The following ARHGEF17 variants were observed in gnomAD, a reference collection of about 807,000 sequenced individuals.
The protein encoded by ARHGEF17 is Rho guanine nucleotide exchange factor 17.
ARHGEF17 carries 80 observed loss-of-function variants against 174.0 expected under a neutral mutation model. The observed-to-expected ratio is 0.46, with a 90% CI of 0.38 to 0.55. The LOEUF (loss-of-function observed/expected upper bound fraction) is 0.55, where lower values mean the gene tolerates loss of function less well. ARHGEF17 is among the 20% of genes least tolerant of loss of function. The pLI is 0.00. For synonymous variants in ARHGEF17, 1,311 were observed against 1,189.1 expected (o/e 1.10, Z -2.11); for missense variants, 2,886 against 2,839.7 (o/e 1.02, Z -0.37).
intron 14 of ARHGEF17, among the ~76,000 whole-genome samples, 193 bp from the exon 15 acceptor site, chr11:73,363,013 A>G (rs56363880): frequency 0.35 from 53,111 of 152,028 alleles, 11,747 homozygotes; most frequent in African/African-American, 0.63. Context: ...GGGGCCAGGC[A>G]AGATCAAGGA....
At chr11:73,367,503 G>A in intron 20 of ARHGEF17, 81 bp from the exon 21 acceptor site, 1 of 1,216,890 alleles carries the variant, frequency 8.2e-7, no homozygotes, top group Non-Finnish European at 1.2e-6. Flanking sequence ...CTATCTTCTG[G>A]GGTGTGGGAA....
chr11:73,312,305 C>T (rs928461397), intron 1 of ARHGEF17, among the ~76,000 whole-genome samples: 4 of 152,098 alleles, frequency 2.6e-5, no homozygotes, highest in African/African-American at 9.7e-5. Context: ...GTGTGGCTTT[C>T]CTGTGACAGG....
intron 1 of ARHGEF17, among the ~76,000 whole-genome samples, chr11:73,340,024 A>C (rs1273189302): frequency 1.3e-5 from 2 of 152,196 alleles, no homozygotes; most frequent in East Asian, 3.9e-4. Context: ...GCTCAGAGGA[A>C]CAATAGCAGA....
chr11:73,324,404 A>G (rs1460335109), intron 1 of ARHGEF17, among the ~76,000 whole-genome samples: 3 of 152,146 alleles, frequency 2.0e-5, no homozygotes, highest in Admixed American at 6.5e-5. Flanking sequence ...GGGAGCGCCC[A>G]GGCTCCTCTC....
chr11:73,308,653 AC>A lies in ARHGEF17; in HGVS notation c.19del (p.Arg7GlyfsTer22). The A allele has an allele frequency of 6.7e-7, 1 of 1,503,308 alleles. No individual in the cohort carries two copies. The allele number at this position is 1,503,308 out of a possible 1,614,324, so 93.1% of individuals were successfully genotyped here. A position where few individuals can be genotyped will look rare whatever the true frequency, so the allele number is the denominator to read the frequency against. Reference sequence around the variant, plus strand: ...GTTACGCCACTATGGCGGACGGGGCACCCCGGCCCCAGCTTTACCGCAGCGT... The same window carrying A: ...GTTACGCCACTATGGCGGACGGGGCACCCGGCCCCAGCTTTACCGCAGCGT... MADGA[P>X]RPQLYRSVSF... On this transcript the variant is annotated frameshift_variant, in exon 1 of 21. Transcript: ENST00000263674. LOFTEE classifies it high-confidence loss of function.
intron 1 of ARHGEF17, among the ~76,000 whole-genome samples, chr11:73,321,609 G>A (rs1865019206): frequency 6.6e-6 from 1 of 152,240 alleles, no homozygotes; most frequent in Non-Finnish European, 1.5e-5. Flanking sequence ...GGAGCGCTCA[G>A]CCCTGGGCGC....
intron 2 of ARHGEF17, among the ~76,000 whole-genome samples, chr11:73,348,659 C>T (rs1865503520): frequency 6.6e-6 from 1 of 152,040 alleles, no homozygotes; most frequent in African/African-American, 2.4e-5. Flanking sequence ...AATGGGTGTA[C>T]AGGGTTGCAG....
chr11:73,368,490 GTGATTGCCATCTGGGGACC>G lies in ARHGEF17; in HGVS notation c.*713_*731del, dbSNP rs1865879371. On this transcript the variant is annotated 3_prime_UTR_variant, in exon 21 of 21. Coordinates refer to ENST00000263674, the MANE Select transcript of ARHGEF17 (RefSeq NM_014786.4). ...TCAAGATGCTGACTATTAGGGGGCA[GTGATTGCCATCTGGGGACC>G]TGTCAGGCTTTGTCATTTCCCAGTT... 2.0e-5 allele frequency: 3 copies of G among 152,262 alleles called. No individual in the cohort carries two copies. The South Asian group carries it at 6.2e-4, about 31-fold the overall frequency. The allele number at this position is 152,262 out of a possible 1,614,324, so 9.4% of individuals were successfully genotyped here.
At chr11:73,332,943 C>T (rs1023068062) in intron 1 of ARHGEF17, among the ~76,000 whole-genome samples, 1 of 152,142 alleles carries the variant, frequency 6.6e-6, no homozygotes, top group Admixed American at 6.5e-5. Context: ...CTCTTCCTGT[C>T]CTCAGGCCCA....
chr11:73,365,502 C>T lies in ARHGEF17; in HGVS notation c.5663C>T (p.Pro1888Leu). 1 of 1,614,148 alleles carries T rather than the reference C, an allele frequency of 6.2e-7. No individual in the cohort carries two copies. Among genetic ancestry groups the T allele is most frequent in the Non-Finnish European group, 8.5e-7 (1 of 1,180,040 alleles). Residue 1888 changes from proline (P) to leucine (L), a missense_variant, in exon 19 of 21, where the codon CCA becomes CTA. By Grantham distance (98) the Pro-to-Leu change is moderately conservative (BLOSUM62 -3). Around this residue, in one of 4 missense-constraint regions of ARHGEF17, gnomAD observed 329 missense variants for 435.2 expected, o/e 0.76. Transcript: ENST00000263674. The surrounding 1 kb of genome is among the most constrained non-coding windows in gnomAD (Gnocchi z 4.9). ...AGTGCCCACGTGTGTCTCTACCATC[C>T]AGACACCTTTGAGCAGCTGGCAGAA... ...KGSAHVCLYHPDTFEQLAEVD... is the reference protein window; with the variant it reads ...KGSAHVCLYHLDTFEQLAEVD...
At chr11:73,313,229 G>A (rs1391762161) in intron 1 of ARHGEF17, among the ~76,000 whole-genome samples, 4 of 152,134 alleles carry the variant, frequency 2.6e-5, no homozygotes, top group Non-Finnish European at 4.4e-5. Context: ...AGTGGGGAGC[G>A]GGGCGTTTTG....
intron 1 of ARHGEF17, among the ~76,000 whole-genome samples, chr11:73,342,745 G>C (rs1183547338): frequency 2.0e-5 from 3 of 152,012 alleles, no homozygotes; most frequent in Admixed American, 6.5e-5. Flanking sequence ...CTTTGTCCAC[G>C]GGTGTGCGCC....
intron 1 of ARHGEF17, among the ~76,000 whole-genome samples, chr11:73,331,755 G>GCA (rs1865207206): frequency 6.6e-6 from 1 of 152,172 alleles, no homozygotes; most frequent in Admixed American, 6.5e-5. Flanking sequence ...GATAGAGGTG[G>GCA]TCACCTGGGC....
rs751863090 is a variant in ARHGEF17, at chr11:73,362,681, C to T, written c.4943C>T (p.Ser1648Leu). 1.9e-6 allele frequency: 3 copies of T among 1,610,298 alleles called. No homozygotes were observed. Among genetic ancestry groups the T allele is most frequent in the East Asian group, 2.2e-5 (1 of 44,876 alleles). The change falls in exon 14 of 21, where the codon TCG (serine) becomes TTG (leucine). Residue 1648 changes from serine to leucine, a missense_variant. Ser to Leu is a moderately radical substitution (Grantham distance 145). Around this residue, in one of 4 missense-constraint regions of ARHGEF17, gnomAD observed 476 missense variants for 473.1 expected, o/e 1.01. Transcript: ENST00000263674. ...GACGATGAGTCTTCGCCCAGCCCCT[C>T]GGGGACGCTGCAGAGCCAGGCCAGC... is the stretch of plus-strand genomic sequence containing the variant. ...DSDDESSPSP[S>L]GTLQSQASRS...
intron 2 of ARHGEF17, among the ~76,000 whole-genome samples, 157 bp from the exon 3 acceptor site, chr11:73,352,673 C>G (rs914754106): frequency 6.6e-6 from 1 of 152,218 alleles, no homozygotes; most frequent in African/African-American, 2.4e-5. Context: ...TTCCCATCTC[C>G]CTCCTGGAGC....
intron 1 of ARHGEF17, among the ~76,000 whole-genome samples, chr11:73,331,983 T>C (rs2134400423): frequency 6.6e-6 from 1 of 152,152 alleles, no homozygotes; most frequent in Middle Eastern, 3.4e-3. Flanking sequence ...GGAGCTACCA[T>C]GGCCCCATGG....
chr11:73,311,071 G>C lies in ARHGEF17; in HGVS notation c.2433G>C (p.Gly811=). The C allele has an allele frequency of 6.2e-7, 1 of 1,612,726 alleles. No individual in the cohort carries two copies. Among genetic ancestry groups the C allele is most frequent in the Non-Finnish European group, 8.5e-7 (1 of 1,178,872 alleles). The change falls in exon 1 of 21, where the codon GGG becomes GGC. Residue 811 remains glycine (G), a synonymous_variant. Transcript: ENST00000263674. ...QSIVQGPGTL[G]RVVDDRIAGK... ...TAGTTCAGGGGCCTGGCACCCTGGG[G>C]CGTGTGGTGGACGACAGGATTGCTG...
At chr11:73,337,826 C>T (rs1318406497) in intron 1 of ARHGEF17, among the ~76,000 whole-genome samples, 2 of 152,188 alleles carry the variant, frequency 1.3e-5, no homozygotes, top group Non-Finnish European at 2.9e-5. Flanking sequence ...CAGAAGACCC[C>T]AACAGGAGTG....
chr11:73,351,043 G>A (rs1048126490), intron 2 of ARHGEF17, among the ~76,000 whole-genome samples: 4 of 152,170 alleles, frequency 2.6e-5, no homozygotes, highest in Non-Finnish European at 5.9e-5. Flanking sequence ...CCGCTTCTGT[G>A]TGGGGTGCCG....
Sources: gnomAD v4.1 joint callset for allele counts (sites outside exome capture counted in the v4.1 genomes callset) on GRCh38, gnomAD v4.1.1 for gene constraint, gnomAD v4.1.1 regional missense constraint, Gnocchi (gnomAD v3.1) non-coding constraint, MANE v1.5 for transcripts, NCBI Gene and HGNC (gene_info 2026-07-23, HGNC 2026-07-21) for gene names.